ADRA1B: variants seen among roughly 807,000 people sequenced by gnomAD.
ADRA1B encodes the protein alpha-1B adrenergic receptor.
Under a neutral mutation model 17.9 loss-of-function variants are expected in ADRA1B, and 17 were observed. The ratio of observed to expected loss-of-function variants is 0.95; its 90% confidence interval spans 0.65 to 1.42. ADRA1B has a LOEUF of 1.42. Ranked by LOEUF, ADRA1B falls within the 40% of genes most tolerant of loss-of-function variation. ADRA1B has a pLI of 0.00. For missense variants in ADRA1B, 681 were observed against 722.1 expected (o/e 0.94, Z 0.65); for synonymous variants, 366 against 327.6 (o/e 1.12, Z -1.27).
At chr5:159,934,742 G>A (rs1754906593) in intron 1 of ADRA1B, among the ~76,000 whole-genome samples, 1 of 151,666 alleles carries the variant, frequency 6.6e-6, no homozygotes, top group Non-Finnish European at 1.5e-5. Flanking sequence ...CCAGGAGGTG[G>A]AGGGTGGAGG....
chr5:159,962,492 ACCTGTGAGGGACCTCGCACT>A (rs1386045574), intron 1 of ADRA1B, among the ~76,000 whole-genome samples: 1 of 151,488 alleles, frequency 6.6e-6, no homozygotes, highest in Non-Finnish European at 1.5e-5. Context: ...CCTGTCTCTC[ACCTGTGAGGGACCTCGCACT>A]GGTGCTGCCG....
At position 159,916,893 on chromosome 5, in the gene ADRA1B, G is replaced by C. The variant is rs1202274249; in HGVS notation, c.-13G>C. On this transcript the variant is annotated 5_prime_UTR_variant, in exon 1 of 2. Coordinates refer to ENST00000306675, the MANE Select transcript of ADRA1B (RefSeq NM_000679.4). Reference sequence around the variant, plus strand: ...CCCAATCATCCCCCTGGCTATGGAGGGCGGACTCTAAGATGAATCCCGACC... The same window carrying C: ...CCCAATCATCCCCCTGGCTATGGAGCGCGGACTCTAAGATGAATCCCGACC... 1.3e-6 allele frequency: 2 copies of C among 1,598,126 alleles called. No individual in the cohort carries two copies. Among genetic ancestry groups the C allele is most frequent in the Non-Finnish European group, 1.7e-6 (2 of 1,171,032 alleles).
At chr5:159,945,426 T>C (rs1484481156) in intron 1 of ADRA1B, among the ~76,000 whole-genome samples, 2 of 151,996 alleles carry the variant, frequency 1.3e-5, no homozygotes, top group Non-Finnish European at 2.9e-5. Flanking sequence ...GGGCTGAAAC[T>C]TGAGTGACTA....
intron 1 of ADRA1B, among the ~76,000 whole-genome samples, chr5:159,967,386 G>A (rs954072618): frequency 6.6e-6 from 1 of 152,200 alleles, no homozygotes; most frequent in Non-Finnish European, 1.5e-5. Context: ...TCTGAGTTGA[G>A]TGGGGCTAAT....
chr5:159,976,387 G>A (rs1475439188), downstream of ADRA1B, among the ~76,000 whole-genome samples: 1 of 152,072 alleles, frequency 6.6e-6, no homozygotes, highest in Admixed American at 6.6e-5. Context: ...GGGTGCGGTG[G>A]CTCACACCTG....
At chr5:159,974,666 A>T (rs1383893666), downstream of ADRA1B, among the ~76,000 whole-genome samples, 1 of 152,048 alleles carries the variant, frequency 6.6e-6, no homozygotes, top group Non-Finnish European at 1.5e-5. Context: ...AGGAAGCCAG[A>T]GATTCTGTAT....
At chr5:159,980,961 T>C in the ADRA1B span, among the ~76,000 whole-genome samples, 2 of 152,030 alleles carry the variant, frequency 1.3e-5, no homozygotes, top group Non-Finnish European at 1.5e-5. Flanking sequence ...AAACAAATCA[T>C]AAATCCAAAT....
chr5:159,884,166 A>T (rs897367331), intron 1 of ADRA1B, among the ~76,000 whole-genome samples: 1 of 152,266 alleles, frequency 6.6e-6, no homozygotes, highest in Non-Finnish European at 1.5e-5. Flanking sequence ...CAGGATTGGG[A>T]TGCAAAAAAT....
At chr5:159,884,897 G>A (rs11952170) in intron 1 of ADRA1B, among the ~76,000 whole-genome samples, 37,114 of 152,130 alleles carry the variant, frequency 0.24, 4,996 homozygotes, top group Non-Finnish European at 0.32. Flanking sequence ...TGTCTCCTCC[G>A]CTCAGTTACA....
chr5:159,977,464 A>G (rs148871069), downstream of ADRA1B, among the ~76,000 whole-genome samples: 476 of 152,318 alleles, frequency 3.1e-3, no homozygotes, highest in Non-Finnish European at 5.5e-3. Flanking sequence ...TCCATCTCCC[A>G]TTGGAGGGAT....
At chr5:159,933,735 G>C (rs1371859124) in intron 1 of ADRA1B, among the ~76,000 whole-genome samples, 1 of 152,250 alleles carries the variant, frequency 6.6e-6, no homozygotes, top group Non-Finnish European at 1.5e-5. Context: ...AAACAGATTT[G>C]ATCTTTCACA....
intron 1 of ADRA1B, among the ~76,000 whole-genome samples, chr5:159,920,474 C>A (rs2030373): frequency 0.26 from 39,985 of 151,958 alleles, 5,649 homozygotes; most frequent in East Asian, 0.61. Context: ...GAGGTTCTTG[C>A]CACCTTGATG....
the ADRA1B span, among the ~76,000 whole-genome samples, chr5:159,982,510 A>G: frequency 6.6e-6 from 1 of 152,214 alleles, no homozygotes; most frequent in Non-Finnish European, 1.5e-5. Context: ...TGAGGTAGAC[A>G]TTATTACTGT....
chr5:159,945,150 C>T (rs776628255), intron 1 of ADRA1B, among the ~76,000 whole-genome samples: 3 of 152,098 alleles, frequency 2.0e-5, no homozygotes, highest in Non-Finnish European at 2.9e-5. Flanking sequence ...GAGGTCAAGA[C>T]GATCACTTGA....
intron 1 of ADRA1B, among the ~76,000 whole-genome samples, chr5:159,964,921 C>T (rs1300754815): frequency 6.6e-6 from 1 of 152,144 alleles, no homozygotes. Flanking sequence ...CAGGTACTTA[C>T]CAAGCCTGAG....
chr5:159,972,658 T>G lies in ADRA1B; in HGVS notation c.*166T>G. On this transcript the variant is annotated 3_prime_UTR_variant, in exon 2 of 2. Transcript: ENST00000306675. ...GGCAGCTGCTTTTCTGGCAGGGGCA[T>G]GGGTGCCAGGTACCACGCGGAAAGC... The G allele has an allele frequency of 2.4e-6, 2 of 827,472 alleles. No homozygotes were observed. Among genetic ancestry groups the G allele is most frequent in the Admixed American group, 3.8e-5 (1 of 26,134 alleles). The allele number at this position is 827,472 out of a possible 1,614,324, so 51.3% of individuals were successfully genotyped here.
At chr5:159,903,208 CAAATGT>C (rs1754122794) in intron 1 of ADRA1B, among the ~76,000 whole-genome samples, 1 of 152,158 alleles carries the variant, frequency 6.6e-6, no homozygotes, top group Non-Finnish European at 1.5e-5. Flanking sequence ...GTTCCCACCC[CAAATGT>C]TCAAACAGGC....
At chr5:159,953,931 A>G (rs974750599) in intron 1 of ADRA1B, among the ~76,000 whole-genome samples, 11 of 152,172 alleles carry the variant, frequency 7.2e-5, no homozygotes, top group Non-Finnish European at 5.9e-5. Flanking sequence ...ATTTTCTACC[A>G]TCACCATTCC....
chr5:159,939,294 T>A (rs1222288775), intron 1 of ADRA1B, among the ~76,000 whole-genome samples: 3,505 of 138,344 alleles, frequency 0.025, 145 homozygotes, highest in African/African-American at 0.086. Flanking sequence ...TGTGTGTGTG[T>A]GTGTGTGTGT....
Sources: gnomAD v4.1 joint callset for allele counts (sites outside exome capture counted in the v4.1 genomes callset) on GRCh38, gnomAD v4.1.1 for gene constraint, MANE v1.5 for transcripts, NCBI Gene and HGNC (gene_info 2026-07-23, HGNC 2026-07-21) for gene names.